BAZ2B: variants seen among roughly 807,000 people sequenced by gnomAD.
The protein encoded by BAZ2B is bromodomain adjacent to zinc finger domain 2B, also known as bromodomain adjacent to zinc finger domain protein 2B.
A neutral mutation model predicts 246.0 loss-of-function variants in BAZ2B; 91 were observed. The observed-to-expected ratio is 0.37, with a 90% confidence interval of 0.31 to 0.44. BAZ2B has a LOEUF of 0.44. Among genes scored for constraint, BAZ2B ranks in the 20% least tolerant of loss-of-function variants. The pLI, the probability that BAZ2B is intolerant of heterozygous loss-of-function variation, is 1.00. For synonymous variants in BAZ2B, 855 were observed against 860.0 expected, an observed-to-expected ratio of 0.99 and a Z score of 0.10; for missense variants, 2,332 against 2,533.7, an observed-to-expected ratio of 0.92 and a Z score of 1.71.
chr2:159,481,869 A>G (rs2079272850), intron 2 of BAZ2B, among the ~76,000 whole-genome samples: 1 of 152,056 alleles, frequency 6.6e-6, no homozygotes, highest in Admixed American at 6.6e-5. Context: ...CTAGGATCCC[A>G]CAACTAAATG....
chr2:159,669,195 G>T, the BAZ2B span, among the ~76,000 whole-genome samples: 118 of 151,786 alleles, frequency 7.8e-4, no homozygotes, highest in Non-Finnish European at 1.4e-3. Flanking sequence ...TTTCCTTTTT[G>T]ATTTCTTCTT....
At chr2:159,489,594 G>C (rs191953903) in intron 2 of BAZ2B, among the ~76,000 whole-genome samples, 1 of 152,112 alleles carries the variant, frequency 6.6e-6, no homozygotes, top group African/African-American at 2.4e-5. Flanking sequence ...CGGATAAACC[G>C]AAAAAGAAAT....
chr2:159,582,260 T>C (rs1559832014), intron 1 of BAZ2B, among the ~76,000 whole-genome samples: 4 of 152,226 alleles, frequency 2.6e-5, no homozygotes, highest in Admixed American at 6.5e-5. Context: ...CAGCAAACCA[T>C]TTTAAAGTAG....
At chr2:159,612,344 CA>C (rs1272982085) in intron 1 of BAZ2B, among the ~76,000 whole-genome samples, 1 of 151,616 alleles carries the variant, frequency 6.6e-6, no homozygotes, top group Non-Finnish European at 1.5e-5. Context: ...TTTATGTAAC[CA>C]AAAAAACTCT....
chr2:159,434,535 T>C (rs1051698662), intron 8 of BAZ2B: 1 of 152,122 alleles, frequency 6.6e-6, no homozygotes, highest in Non-Finnish European at 1.5e-5. Context: ...AATATGCCTA[T>C]ATGACTTATA....
At chr2:159,614,989 T>C (rs765476031) in intron 1 of BAZ2B, among the ~76,000 whole-genome samples, 2 of 152,036 alleles carry the variant, frequency 1.3e-5, no homozygotes, top group Non-Finnish European at 2.9e-5. Flanking sequence ...GGGAATAAAA[T>C]TGCCCAAGAT....
the BAZ2B span, among the ~76,000 whole-genome samples, chr2:159,656,885 A>G: frequency 3.3e-5 from 5 of 152,246 alleles, no homozygotes; most frequent in South Asian, 8.3e-4. Context: ...GCATGTTTGA[A>G]TAACAGTCAT....
At chr2:159,691,964 T>C in the BAZ2B span, among the ~76,000 whole-genome samples, 1 of 152,204 alleles carries the variant, frequency 6.6e-6, no homozygotes. Context: ...TTATTAATAC[T>C]GCATCATTCT....
In BAZ2B at chr2:159,463,064, C is replaced by G. The variant is rs76497799; in HGVS notation, c.146-9263G>C. On this transcript the variant is annotated intron_variant, in intron 3 of 36. Transcript: ENST00000392783. ...TGATCTTCACATCCTTCCATCTTCA[C>G]GGGTGTGAACTGATCCATGTTATAA... is the stretch of plus-strand genomic sequence containing the variant. The G allele has an allele frequency of 4.0e-3, 2,888 of 717,466 alleles. 64 individuals are homozygous for G. In the African/African-American group the frequency reaches 0.045, roughly 11 times the overall value. The allele number at this position is 717,466 out of a possible 1,614,324, so 44.4% of individuals were successfully genotyped here.
At position 159,325,667 on chromosome 2, in the gene BAZ2B, G is replaced by A. The variant is rs1224086618; in HGVS notation, c.6195C>T (p.Asp2065=). The A allele has an allele frequency of 3.8e-6, 6 of 1,589,752 alleles. No homozygotes were observed. In the East Asian group the frequency reaches 1.3e-4, roughly 36 times the overall value. ...VKKPKRDDSK[D]LALCSMILTE... ...GGAAATAATACCTGCAAAGAGCTAG[G>A]TCCTTGGAGTCATCTCTTTTAGGTT... The change falls in exon 35 of 37, where the codon GAC becomes GAT. Residue 2065 remains aspartate (D), a synonymous_variant. Transcript: ENST00000392783.
intron 13 of BAZ2B, among the ~76,000 whole-genome samples, chr2:159,413,773 A>T (rs1468305874): frequency 1.3e-5 from 2 of 152,184 alleles, no homozygotes; most frequent in African/African-American, 4.8e-5. Context: ...AGACAACTGA[A>T]AATCTGAGCA....
chr2:159,674,333 T>C, the BAZ2B span, among the ~76,000 whole-genome samples: 1 of 34,474 alleles, frequency 2.9e-5, no homozygotes. Context: ...AGACTCTGTC[T>C]CAGAAAAAAA....
chr2:159,513,633 A>G (rs1379234343), intron 2 of BAZ2B, among the ~76,000 whole-genome samples: 2 of 152,108 alleles, frequency 1.3e-5, no homozygotes, highest in Non-Finnish European at 2.9e-5. Flanking sequence ...CTTGTATCTC[A>G]CATCCAGCCC....
At chr2:159,348,604 T>A in intron 30 of BAZ2B, 74 bp downstream of exon 30, 1 of 1,493,176 alleles carries the variant, frequency 6.7e-7, no homozygotes, top group East Asian at 2.3e-5. Flanking sequence ...TAGACTGTAC[T>A]AAAATATGGT....
intron 6 of BAZ2B, among the ~76,000 whole-genome samples, chr2:159,440,182 T>A (rs1314802917): frequency 5.3e-5 from 8 of 152,116 alleles, no homozygotes; most frequent in African/African-American, 1.7e-4. Context: ...ATAGAAAGAC[T>A]GAAAAGGAGA....
At chr2:159,449,947 GT>G (rs1328416903) in intron 4 of BAZ2B, among the ~76,000 whole-genome samples, 1 of 152,032 alleles carries the variant, frequency 6.6e-6, no homozygotes, top group Non-Finnish European at 1.5e-5. Context: ...GAGGTGAAAG[GT>G]TCATTTGAGG....
chr2:159,549,089 T>C (rs2087766603), intron 2 of BAZ2B, among the ~76,000 whole-genome samples: 3 of 152,130 alleles, frequency 2.0e-5, no homozygotes, highest in African/African-American at 7.2e-5. Flanking sequence ...GAGACCAGCC[T>C]AAGCAACATG....
At chr2:159,588,176 C>T in intron 1 of BAZ2B, among the ~76,000 whole-genome samples, 1 of 145,282 alleles carries the variant, frequency 6.9e-6, no homozygotes. Flanking sequence ...GATTGTACCA[C>T]TGCACTTCAG....
At chr2:159,672,636 T>C in the BAZ2B span, among the ~76,000 whole-genome samples, 34 of 152,280 alleles carry the variant, frequency 2.2e-4, 1 homozygote, top group East Asian at 4.4e-3. Context: ...GGAGGTGTTA[T>C]GGCTTCCTGA....
Sources: allele counts gnomAD v4.1 joint callset (sites outside exome capture counted in the v4.1 genomes callset), GRCh38; gene constraint gnomAD v4.1.1; transcripts MANE v1.5; gene names NCBI Gene and HGNC (gene_info 2026-07-23, HGNC 2026-07-21).